The following TTN variants were observed in gnomAD, a reference collection of about 807,000 sequenced individuals.
TTN encodes connectin.
TTN carries 1,525 observed loss-of-function variants against 3,223.0 expected under a neutral mutation model. The ratio of observed to expected loss-of-function variants is 0.47; its 90% CI spans 0.45 to 0.49. The LOEUF (loss-of-function observed/expected upper bound fraction) is 0.49, where lower values mean the gene tolerates loss of function less well. Ranked by LOEUF, TTN falls within the 20% of genes least tolerant of loss-of-function variation. The pLI, the probability that TTN is intolerant of heterozygous loss-of-function variation, is 0.00. For missense variants in TTN, 40,786 were observed against 43,424.0 expected, an observed-to-expected ratio of 0.94 and a Z score of 5.40; for synonymous variants, 14,094 against 15,161.0, an observed-to-expected ratio of 0.93 and a Z score of 5.17.
At position 178,592,653 on chromosome 2, in the gene TTN, A is replaced by G. The variant is rs1377168112; in HGVS notation, c.59352T>C (p.Pro19784=). The G allele has an allele frequency of 6.2e-7, 1 of 1,612,778 alleles. No homozygotes were observed. Among genetic ancestry groups the G allele is most frequent in the Admixed American group, 1.7e-5 (1 of 59,874 alleles). ...CCATGTTGGCATCAAGAATCAACTC[A>G]GGGGGTTCTAGAATAAAGAGAACAG... ...PVLVKDRLEP[P]ELILDANMAR... Residue 19784 remains proline (P), a synonymous_variant, in exon 301 of 363, where the codon CCT becomes CCC. Coordinates refer to ENST00000589042, the MANE Select transcript of TTN (RefSeq NM_001267550.2).
chr2:178,675,863 A>G, intron 148 of TTN, 58 bp downstream of exon 148: 5 of 1,559,606 alleles, frequency 3.2e-6, no homozygotes, highest in South Asian at 2.3e-5. Flanking sequence ...GGACATTTTG[A>G]CTTTTATAGG....
chr2:178,790,191 AG>A, intron 11 of TTN, 76 bp from the exon 12 acceptor site: 1 of 1,504,218 alleles, frequency 6.6e-7, no homozygotes, highest in Non-Finnish European at 9.0e-7. Context: ...TAAGTCAAAA[AG>A]AAAGGAGGCA....
rs1156737017 is a variant in TTN, at chr2:178,735,970, T to C, written c.14476A>G (p.Thr4826Ala). The C allele has an allele frequency of 6.2e-7, 1 of 1,613,802 alleles. No individual in the cohort carries two copies. Among genetic ancestry groups the C allele is most frequent in the East Asian group, 2.2e-5 (1 of 44,848 alleles). The change falls in exon 50 of 363, where the codon ACC becomes GCC. Residue 4826 changes from threonine (T) to alanine (A), a missense_variant. Thr to Ala is a moderately conservative substitution (Grantham distance 58). Coordinates refer to ENST00000589042, the MANE Select transcript of TTN (RefSeq NM_001267550.2). ...CTVTGTPVIE[T>A]IWQKDGAALS... is the part of the protein sequence containing the mutation. The stretch of plus-strand genomic sequence containing the variant: ...GCAGCACCATCTTTCTGCCAAATGG[T>C]TTCTATCACAGGAGTCCCTGTCACT...
chr2:178,571,576 G>C lies in TTN; in HGVS notation c.74556C>G (p.Ser24852=), dbSNP rs553463282. Residue 24852 remains serine (S), a synonymous_variant, in exon 326 of 363, where the codon TCC becomes TCG. Coordinates refer to ENST00000589042, the MANE Select transcript of TTN (RefSeq NM_001267550.2). ...NNYIVEKRDT[S]TTTWQIVSAT... is the part of the protein sequence containing the mutation. ...CTGATACAATTTGCCAGGTGGTTGT[G>C]GAAGTGTCCCGTTTCTCAACAATGT... 4 of 1,613,186 alleles carry C rather than the reference G, an allele frequency of 2.5e-6. 1 individual carries two copies. The highest frequency in any genetic ancestry group is 3.4e-6 in the Non-Finnish European group (4 of 1,179,564).
chr2:178,603,667 A>G (rs887546299), intron 282 of TTN, among the ~76,000 whole-genome samples: 1 of 151,940 alleles, frequency 6.6e-6, no homozygotes, highest in Non-Finnish European at 1.5e-5. Context: ...AAACTGTATG[A>G]TTTTATGTAT....
Position 178,570,195 on chromosome 2 carries a change from C to T in TTN, c.75937G>A (p.Val25313Ile). The change falls in exon 326 of 363, where the codon GTC becomes ATC. Residue 25313 changes from valine to isoleucine, a missense_variant. Coordinates refer to ENST00000589042, the MANE Select transcript of TTN (RefSeq NM_001267550.2). The stretch of plus-strand genomic sequence containing the variant: ...ATTGAGTCCTTGGTCACTGTTGTGA[C>T]TTCTGGAGCTTTTGGTGCATCTGGT... ...VVPDAPKAPEVTTVTKDSMIV... is the reference protein window; with the variant it reads ...VVPDAPKAPEITTVTKDSMIV... 1 of 1,613,450 alleles carries T rather than the reference C, an allele frequency of 6.2e-7. No homozygotes were observed. Among genetic ancestry groups the T allele is most frequent in the Non-Finnish European group, 8.5e-7 (1 of 1,179,614 alleles).
chr2:178,574,978 G>T lies in TTN; in HGVS notation c.71154C>A (p.Val23718=). 2.5e-6 allele frequency: 4 copies of T among 1,613,280 alleles called. No homozygotes were observed. The highest frequency in any genetic ancestry group is 3.4e-6 in the Non-Finnish European group (4 of 1,179,574). Residue 23718 remains valine (V), a synonymous_variant, in exon 326 of 363, where the codon GTC becomes GTA. Transcript: ENST00000589042. ...GGATATCATGGACTTGAATGGTGAT[G>T]ACATCACCAACCTCTCCTACAATGT... ...ARNIVGEVGD[V]ITIQVHDIPG...
At chr2:178,675,153 G>C (rs763694582) in intron 149 of TTN, 40 bp from the exon 150 acceptor site, 3 of 1,370,782 alleles carry the variant, frequency 2.2e-6, no homozygotes, top group African/African-American at 3.0e-5. Flanking sequence ...TAAAATGCAA[G>C]AACCAAAGAA....
chr2:178,774,521 C>T (rs774160183), intron 29 of TTN, 48 bp from the exon 30 acceptor site: 3 of 1,573,532 alleles, frequency 1.9e-6, no homozygotes, highest in Admixed American at 1.7e-5. Flanking sequence ...GAGAGGTATG[C>T]ATCTAGACTT....
intron 22 of TTN, 149 bp downstream of exon 22, chr2:178,779,851 T>C: frequency 1.4e-6 from 1 of 724,670 alleles, no homozygotes; most frequent in Non-Finnish European, 2.3e-6. Flanking sequence ...CAACATACCA[T>C]GAAGATTAAG....
chr2:178,663,721 A>G lies in TTN; in HGVS notation c.36449-11T>C. The G allele has an allele frequency of 1.2e-6, 2 of 1,612,826 alleles. No homozygotes were observed. The highest frequency in any genetic ancestry group is 1.7e-6 in the Non-Finnish European group (2 of 1,179,594). On this transcript the variant is annotated splice_polypyrimidine_tract_variant and intron_variant, in intron 170 of 362. Transcript: ENST00000589042. ...TGGGAGGCTCTGGTACTTAAAAGATATTAGCAAAATTACATTCAGAAGTTA... is the reference window on the plus strand; with the variant it reads ...TGGGAGGCTCTGGTACTTAAAAGATGTTAGCAAAATTACATTCAGAAGTTA...
intron 49 of TTN, chr2:178,737,820 A>C: frequency 2.9e-6 from 1 of 348,066 alleles, no homozygotes. Context: ...TTTTATATGA[A>C]GGGCCAAGCT....
chr2:178,704,604 A>G lies in TTN; in HGVS notation c.29868T>C (p.His9956=), dbSNP rs373953903. The G allele has an allele frequency of 9.2e-5, 149 of 1,612,878 alleles. No individual in the cohort carries two copies. Among genetic ancestry groups the G allele is most frequent in the Non-Finnish European group, 1.2e-4 (136 of 1,179,340 alleles). The change falls in exon 105 of 363, where the codon CAT becomes CAC. Residue 9956 remains histidine, a synonymous_variant. Transcript: ENST00000589042. ...GTTGACAGTTTTTGACTCTGAGTGT[A>G]TGTCGGTCACCATCAATGCTTATTT... ...KFEISIDGDR[H]TLRVKNCQLK...
intron 106 of TTN, among the ~76,000 whole-genome samples, chr2:178,703,605 A>C (rs760839829): frequency 3.3e-5 from 5 of 152,226 alleles, no homozygotes; most frequent in Non-Finnish European, 4.4e-5. Flanking sequence ...TAGGAAATGA[A>C]TGTTGTTACT....
chr2:178,757,535 GCTTTAC>G lies in TTN; in HGVS notation c.10678+1_10678+6del. 1 of 1,544,546 alleles carries G rather than the reference GCTTTAC, an allele frequency of 6.5e-7. No homozygotes were observed. The highest frequency in any genetic ancestry group is 8.7e-7 in the Non-Finnish European group (1 of 1,144,320). ...AATCAAAGTCCTTGAAGCAAGATGG[GCTTTAC>G]CTTTTGGAGTCACTGTGAGTGTAGC... On this transcript the variant is annotated splice_donor_variant and splice_donor_5th_base_variant and intron_variant, in intron 45 of 362. Transcript: ENST00000589042. LOFTEE classifies it high-confidence loss of function.
At position 178,652,130 on chromosome 2, in the gene TTN, A is replaced by T. The variant is rs886042444; in HGVS notation, c.39261T>A (p.Ala13087=). ...VAVPEKKVPE[A]IPPKPESPPP... is the part of the protein sequence containing the mutation. Reference sequence around the variant, plus strand: ...GAGGACTTTCCGGTTTGGGAGGAATAGCTTCAGGCACCTTCTTTTCTGGGA... The same window carrying T: ...GAGGACTTTCCGGTTTGGGAGGAATTGCTTCAGGCACCTTCTTTTCTGGGA... The change falls in exon 204 of 363, where the codon GCT becomes GCA. Residue 13087 remains alanine (A), a synonymous_variant. Transcript: ENST00000589042. The T allele has an allele frequency of 1.2e-6, 2 of 1,612,314 alleles. No homozygotes were observed. Among genetic ancestry groups the T allele is most frequent in the African/African-American group, 2.7e-5 (2 of 74,866 alleles).
Position 178,534,616 on chromosome 2 carries a change from G to T in TTN, c.101999C>A (p.Ser34000Ter). The T allele has an allele frequency of 6.2e-7, 1 of 1,613,712 alleles. No homozygotes were observed. The highest frequency in any genetic ancestry group is 1.1e-5 in the South Asian group (1 of 91,014). Residue 34000 changes from serine to a stop codon, truncating the protein, a stop_gained, in exon 358 of 363, where the codon TCA (serine) becomes TAA (stop). Transcript: ENST00000589042. LOFTEE classifies it high-confidence loss of function. ...DVVSTATDMW[S>*]LGTLVYVLLS... The stretch of plus-strand genomic sequence containing the variant: ...TAGCACATATACCAGTGTTCCAAGT[G>T]ACCACATGTCTGTGGCTGTGCTGAC...
intron 330 of TTN, 27 bp from the exon 331 acceptor site, chr2:178,555,179 T>G (rs1041145701): frequency 1.3e-6 from 2 of 1,586,006 alleles, no homozygotes. Flanking sequence ...TGAGAAATAT[T>G]TAAAATATTA....
Position 178,589,666 on chromosome 2 carries a change from G to A in TTN, c.62059C>T (p.Leu20687=), listed in dbSNP as rs76587526. 1 of 1,613,472 alleles carries A rather than the reference G, an allele frequency of 6.2e-7. No individual in the cohort carries two copies. Among genetic ancestry groups the A allele is most frequent in the African/African-American group, 1.3e-5 (1 of 75,006 alleles). The change falls in exon 304 of 363, where the codon CTA becomes TTA. Residue 20687 remains leucine, a synonymous_variant. Coordinates refer to ENST00000589042, the MANE Select transcript of TTN (RefSeq NM_001267550.2). ...TCATAGTCAGGCCTCCGCCACTTTA[G>A]ATAGACAAATGTCTTTCCTTTATCT... ...IADKGKTFVY[L]KWRRPDYDGG...
Sources: gnomAD v4.1 joint callset for allele counts (sites outside exome capture counted in the v4.1 genomes callset) on GRCh38, gnomAD v4.1.1 for gene constraint, MANE v1.5 for transcripts, NCBI Gene and HGNC (gene_info 2026-07-23, HGNC 2026-07-21) for gene names.